MAML3: variants seen among roughly 807,000 people sequenced by gnomAD.
MAML3 encodes mastermind-like protein 3.
In MAML3, 27 loss-of-function variants were observed where a neutral mutation model predicts 101.9. That is an observed-to-expected ratio of 0.27 (90% CI 0.20 to 0.37). The LOEUF is 0.37. Ranked by LOEUF, MAML3 falls within the 10% of genes least tolerant of loss-of-function variation. The pLI, the probability that MAML3 is intolerant of heterozygous loss-of-function variation, is 1.00. For synonymous variants in MAML3, 501 were observed against 555.9 expected (o/e 0.90, Z 1.39); for missense variants, 1,316 against 1,444.9 (o/e 0.91, Z 1.45).
intron 1 of MAML3, among the ~76,000 whole-genome samples, chr4:139,944,145 T>C (rs549587398): frequency 7.0e-4 from 107 of 152,184 alleles, no homozygotes; most frequent in Non-Finnish European, 1.2e-3. Context: ...GCTGGGATTA[T>C]AGGCATAAGC....
chr4:139,767,287 T>C (rs1729880461), intron 2 of MAML3, among the ~76,000 whole-genome samples: 1 of 152,228 alleles, frequency 6.6e-6, no homozygotes, highest in Admixed American at 6.5e-5. Context: ...GTTGTCTATG[T>C]TGATGTCAAC....
intron 2 of MAML3, among the ~76,000 whole-genome samples, chr4:139,761,390 G>GTT (rs1729757357): frequency 2.0e-5 from 3 of 152,162 alleles, no homozygotes; most frequent in Non-Finnish European, 4.4e-5. Flanking sequence ...AGTCTGGAGG[G>GTT]GGCGTTAGGG....
At chr4:140,033,643 A>G (rs953151371) in intron 1 of MAML3, among the ~76,000 whole-genome samples, 1 of 152,208 alleles carries the variant, frequency 6.6e-6, no homozygotes, top group African/African-American at 2.4e-5. Flanking sequence ...CCTGGATTCA[A>G]ACCAACTCTG....
rs903058971 is a variant in MAML3 at position 139,753,341 on chromosome 4, A to T, written c.2080-22674T>A. On this transcript the variant is annotated intron_variant, in intron 2 of 4. Coordinates refer to ENST00000509479, the MANE Select transcript of MAML3 (RefSeq NM_018717.5). ...TTCTTTGCTTTTTTCTTTTCTTTTT[A>T]ATCTATCTATCTATCTATCTATCTA... Among the ~76,000 whole-genome samples the T allele has an allele frequency of 3.4e-5, 5 of 146,578 alleles. No homozygotes were observed. In the East Asian group the frequency reaches 6.1e-4, roughly 18 times the overall value.
intron 4 of MAML3, among the ~76,000 whole-genome samples, chr4:139,725,535 C>G (rs1405053039): frequency 6.6e-6 from 1 of 152,212 alleles, no homozygotes; most frequent in Admixed American, 6.5e-5. Flanking sequence ...TCTAGAACCT[C>G]TCTGTGACTC....
chr4:140,082,165 G>A (rs1054832712), intron 1 of MAML3, among the ~76,000 whole-genome samples: 10 of 152,144 alleles, frequency 6.6e-5, no homozygotes, highest in Non-Finnish European at 8.8e-5. Flanking sequence ...TTCCTGCTGC[G>A]TTCTCCCCTT....
intron 3 of MAML3, among the ~76,000 whole-genome samples, chr4:139,726,659 T>G (rs1728484887): frequency 6.6e-6 from 1 of 152,212 alleles, no homozygotes; most frequent in Non-Finnish European, 1.5e-5. Context: ...GAAGCCACAC[T>G]GCCTGTAAAA....
At chr4:139,886,054 T>TAAA (rs1732333846) in intron 2 of MAML3, among the ~76,000 whole-genome samples, 1 of 150,672 alleles carries the variant, frequency 6.6e-6, no homozygotes, top group South Asian at 2.1e-4. Context: ...CTTTTAATGG[T>TAAA]AAAAAATGTT....
chr4:139,889,922 TGCTGCTGCTG>T lies in MAML3; in HGVS notation c.1504_1513del (p.Gln502SerfsTer17), dbSNP rs1732431820. 2 of 1,252,512 alleles carry T rather than the reference TGCTGCTGCTG, an allele frequency of 1.6e-6. No individual in the cohort carries two copies. Among genetic ancestry groups the T allele is most frequent in the Admixed American group, 2.5e-5 (1 of 40,416 alleles). The allele number at this position is 1,252,512 out of a possible 1,614,324, so 77.6% of individuals were successfully genotyped here. A position where few individuals can be genotyped will look rare whatever the true frequency, so the allele number is the denominator to read the frequency against. ...ATTTGAGTGCTGTTGCTGCTGCTGC[TGCTGCTGCTG>T]CTGCTGCTGCTGCTGCTGCTGCTGC... On this transcript the variant is annotated frameshift_variant, in exon 2 of 5. Transcript: ENST00000509479. LOFTEE classifies it high-confidence loss of function.
intron 1 of MAML3, among the ~76,000 whole-genome samples, chr4:139,975,033 A>C (rs1361733110): frequency 6.6e-6 from 1 of 152,064 alleles, no homozygotes; most frequent in Non-Finnish European, 1.5e-5. Context: ...AGGGGAAGTG[A>C]TATGACGACT....
intron 1 of MAML3, among the ~76,000 whole-genome samples, chr4:140,094,655 A>G (rs1291538710): frequency 2.0e-5 from 3 of 152,234 alleles, no homozygotes; most frequent in African/African-American, 2.4e-5. Context: ...CCGGTGGCCA[A>G]CGTGAACTTC....
intron 2 of MAML3, among the ~76,000 whole-genome samples, chr4:139,799,030 A>G (rs1730563639): frequency 6.6e-6 from 1 of 152,232 alleles, no homozygotes; most frequent in African/African-American, 2.4e-5. Flanking sequence ...AGTTAAAAGC[A>G]GCCTAAACTT....
chr4:139,964,158 A>G (rs1162652607), intron 1 of MAML3, among the ~76,000 whole-genome samples: 1 of 152,260 alleles, frequency 6.6e-6, no homozygotes, highest in Non-Finnish European at 1.5e-5. Flanking sequence ...TTGCAGCACT[A>G]TTTACAACAG....
intron 2 of MAML3, among the ~76,000 whole-genome samples, chr4:139,837,624 C>G (rs1578624913): frequency 6.6e-6 from 1 of 151,810 alleles, no homozygotes; most frequent in Admixed American, 6.6e-5. Context: ...TTTTATAATA[C>G]TATTATAAGG....
intron 2 of MAML3, among the ~76,000 whole-genome samples, chr4:139,822,733 C>T (rs1339164237): frequency 1.3e-5 from 2 of 152,252 alleles, no homozygotes; most frequent in Non-Finnish European, 2.9e-5. Context: ...ATCAGCTCCA[C>T]ATCTCGAACC....
chr4:140,071,762 AG>A (rs1727658781), intron 1 of MAML3, among the ~76,000 whole-genome samples: 3 of 147,432 alleles, frequency 2.0e-5, no homozygotes, highest in African/African-American at 7.9e-5. Flanking sequence ...GATTAGAGAG[AG>A]AGAGAGAGAG....
At chr4:140,027,173 C>T (rs1373321159) in intron 1 of MAML3, among the ~76,000 whole-genome samples, 3 of 152,134 alleles carry the variant, frequency 2.0e-5, no homozygotes, top group Non-Finnish European at 2.9e-5. Flanking sequence ...AAAATATCCC[C>T]GTCTTGTTGC....
intron 1 of MAML3, among the ~76,000 whole-genome samples, chr4:140,045,293 G>GC (rs1359272536): frequency 6.6e-6 from 1 of 151,784 alleles, no homozygotes; most frequent in Non-Finnish European, 1.5e-5. Context: ...TACTCGGGAG[G>GC]CTGAGGCAGG....
Position 139,718,501 on chromosome 4 carries a change from G to T in MAML3, c.*822C>A, listed in dbSNP as rs1041929000. The T allele has an allele frequency of 2.0e-5, 3 of 152,322 alleles. No homozygotes were observed. Among genetic ancestry groups the T allele is most frequent in the Non-Finnish European group, 2.9e-5 (2 of 68,150 alleles). The allele number at this position is 152,322 out of a possible 1,614,324, so 9.4% of individuals were successfully genotyped here. A position where few individuals can be genotyped will look rare whatever the true frequency, so the allele number is the denominator to read the frequency against. ...TTTCCCTGCCCTGCGGCCGCCAGAAGTAGATGTGACCCACCTGGATGTATG... is the reference window on the plus strand; with the variant it reads ...TTTCCCTGCCCTGCGGCCGCCAGAATTAGATGTGACCCACCTGGATGTATG... On this transcript the variant is annotated 3_prime_UTR_variant, in exon 5 of 5. Coordinates refer to ENST00000509479, the MANE Select transcript of MAML3 (RefSeq NM_018717.5).
Sources: allele counts gnomAD v4.1 joint callset (sites outside exome capture counted in the v4.1 genomes callset), GRCh38; gene constraint gnomAD v4.1.1; transcripts MANE v1.5; gene names NCBI Gene and HGNC (gene_info 2026-07-23, HGNC 2026-07-21).